The following CHCHD3 variants were observed in gnomAD, a reference collection of about 807,000 sequenced individuals.
CHCHD3 encodes the protein MICOS complex subunit MIC19.
Under a neutral mutation model 38.2 loss-of-function variants are expected in CHCHD3, and 20 were observed. That is an observed-to-expected ratio of 0.52 (90% CI 0.37 to 0.76). CHCHD3 has a LOEUF of 0.76. CHCHD3 is among the 30% of genes least tolerant of loss of function. CHCHD3 has a pLI of 0.00. For missense variants in CHCHD3, 245 were observed against 279.2 expected (o/e 0.88, Z 0.87); for synonymous variants, 82 against 100.0 (o/e 0.82, Z 1.07).
In CHCHD3 at chr7:133,058,534, T is replaced by G. The variant is rs1377962313; in HGVS notation, c.169+11608A>C. Among the ~76,000 whole-genome samples the G allele has an allele frequency of 7.2e-5, 11 of 152,336 alleles. No individual in the cohort carries two copies. The East Asian group carries it at 2.1e-3, about 29-fold the overall frequency. ...AGCTGGTTGCATAACAAAACAATGTTTTTGGGGGAGCTGTTGACCTTAAAT... is the reference window on the plus strand; with the variant it reads ...AGCTGGTTGCATAACAAAACAATGTGTTTGGGGGAGCTGTTGACCTTAAAT... On this transcript the variant is annotated intron_variant, in intron 2 of 7. Transcript: ENST00000262570.
chr7:132,922,160 G>A (rs1810277629), intron 4 of CHCHD3, among the ~76,000 whole-genome samples: 17 of 152,128 alleles, frequency 1.1e-4, no homozygotes, highest in Admixed American at 1.1e-3. Flanking sequence ...GGAAAAGGAG[G>A]CAATGGCTTC....
intron 5 of CHCHD3, among the ~76,000 whole-genome samples, chr7:132,867,147 A>G (rs1472975299): frequency 6.6e-6 from 1 of 152,200 alleles, no homozygotes; most frequent in African/African-American, 2.4e-5. Flanking sequence ...AACCAGAGGA[A>G]TTTCTGTCTG....
intron 3 of CHCHD3, among the ~76,000 whole-genome samples, chr7:132,979,524 T>C (rs910636102): frequency 6.6e-6 from 1 of 152,154 alleles, no homozygotes. Flanking sequence ...GTGGGACTGA[T>C]ATTTAACTTG....
chr7:133,078,541 G>A (rs533178702), intron 1 of CHCHD3, among the ~76,000 whole-genome samples: 5 of 152,186 alleles, frequency 3.3e-5, no homozygotes, highest in African/African-American at 9.6e-5. Context: ...TTTATATTAA[G>A]GGAATGAACC....
intron 5 of CHCHD3, among the ~76,000 whole-genome samples, chr7:132,847,856 A>T (rs1261377012): frequency 1.3e-5 from 2 of 152,230 alleles, no homozygotes; most frequent in Non-Finnish European, 2.9e-5. Flanking sequence ...AGAAAAATGT[A>T]ACTGGCTCTT....
intron 3 of CHCHD3, among the ~76,000 whole-genome samples, chr7:132,994,123 C>T (rs1812352121): frequency 6.6e-6 from 1 of 152,152 alleles, no homozygotes; most frequent in African/African-American, 2.4e-5. Context: ...CTATAGGCTA[C>T]ATTTTTCTAA....
intron 6 of CHCHD3, among the ~76,000 whole-genome samples, chr7:132,828,737 G>C (rs1324942262): frequency 6.6e-6 from 1 of 152,156 alleles, no homozygotes; most frequent in African/African-American, 2.4e-5. Flanking sequence ...TGAAACCAGG[G>C]AAGGGCTGAT....
chr7:132,968,653 T>A (rs1284384491), intron 4 of CHCHD3, among the ~76,000 whole-genome samples: 1 of 152,152 alleles, frequency 6.6e-6, no homozygotes, highest in Non-Finnish European at 1.5e-5. Flanking sequence ...TTTCTAAAAT[T>A]ATCTTTAAAT....
At chr7:132,849,538 C>T (rs1031157324) in intron 5 of CHCHD3, 10 of 152,188 alleles carry the variant, frequency 6.6e-5, no homozygotes, top group Non-Finnish European at 1.3e-4. Context: ...AATCCTATTA[C>T]ATTCCATAGT....
intron 4 of CHCHD3, among the ~76,000 whole-genome samples, chr7:132,960,321 T>C (rs117450936): frequency 8.4e-4 from 127 of 151,930 alleles, no homozygotes; most frequent in Non-Finnish European, 1.6e-3. Flanking sequence ...ACAGAGAGCA[T>C]ATGTACAGTT....
intron 4 of CHCHD3, among the ~76,000 whole-genome samples, chr7:132,965,055 T>C (rs28660120): frequency 2.7e-5 from 2 of 73,596 alleles, no homozygotes; most frequent in Admixed American, 2.7e-4. Flanking sequence ...ATGCTATGGG[T>C]TTTATGTGTG....
intron 4 of CHCHD3, among the ~76,000 whole-genome samples, chr7:132,889,543 T>C (rs1002736796): frequency 1.3e-5 from 2 of 152,026 alleles, no homozygotes; most frequent in African/African-American, 4.8e-5. Flanking sequence ...TGTCCAAAGC[T>C]CAGATGTGTA....
intron 4 of CHCHD3, among the ~76,000 whole-genome samples, chr7:132,923,574 A>G (rs1810309997): frequency 6.6e-6 from 1 of 152,208 alleles, no homozygotes; most frequent in Admixed American, 6.5e-5. Flanking sequence ...GTATCAGTTT[A>G]TAAACCTGAG....
intron 4 of CHCHD3, among the ~76,000 whole-genome samples, chr7:132,927,808 C>G (rs1269186697): frequency 6.6e-6 from 1 of 152,142 alleles, no homozygotes; most frequent in Non-Finnish European, 1.5e-5. Flanking sequence ...TTACAGAAAA[C>G]AAATCTGTCA....
intron 6 of CHCHD3, among the ~76,000 whole-genome samples, chr7:132,807,407 G>T (rs907964066): frequency 1.3e-5 from 2 of 151,912 alleles, no homozygotes; most frequent in Non-Finnish European, 2.9e-5. Flanking sequence ...CACTTATACT[G>T]AGTGTCCAGT....
chr7:133,071,486 T>C (rs1209439448), intron 1 of CHCHD3, among the ~76,000 whole-genome samples: 3 of 152,206 alleles, frequency 2.0e-5, no homozygotes, highest in Admixed American at 6.5e-5. Flanking sequence ...TGAAGGATTT[T>C]AAGCAGGGGA....
intron 7 of CHCHD3, among the ~76,000 whole-genome samples, chr7:132,790,472 G>C (rs1380948869): frequency 6.6e-6 from 1 of 152,190 alleles, no homozygotes; most frequent in African/African-American, 2.4e-5. Context: ...TGATGGAAGA[G>C]GTTGGGATAG....
At chr7:133,027,364 A>T (rs938386144) in intron 2 of CHCHD3, among the ~76,000 whole-genome samples, 3 of 50,624 alleles carry the variant, frequency 5.9e-5, no homozygotes, top group African/African-American at 1.3e-4. Context: ...ATAAGTTGTA[A>T]GAGAGAGAGA....
At chr7:132,954,619 A>T (rs534262978) in intron 4 of CHCHD3, among the ~76,000 whole-genome samples, 46 of 151,916 alleles carry the variant, frequency 3.0e-4, no homozygotes, top group Admixed American at 9.8e-4. Flanking sequence ...CAAAAGACGG[A>T]CTCTACAATG....
Sources: gnomAD v4.1 joint callset for allele counts (sites outside exome capture counted in the v4.1 genomes callset) on GRCh38, gnomAD v4.1.1 for gene constraint, MANE v1.5 for transcripts, NCBI Gene and HGNC (gene_info 2026-07-23, HGNC 2026-07-21) for gene names.